Variants in KLF3 observed in about 807,000 individuals in gnomAD.
KLF3 encodes the protein Krueppel-like factor 3.
KLF3 carries 6 observed loss-of-function variants against 32.7 expected under a neutral mutation model. The ratio of observed to expected loss-of-function variants is 0.18; its 90% CI spans 0.10 to 0.36. KLF3 has a LOEUF of 0.36. Among genes scored for constraint, KLF3 ranks in the 10% least tolerant of loss-of-function variants. The probability of loss-of-function intolerance (pLI) is 1.00; values close to 1 mark genes in which losing one functional copy is unlikely to be tolerated. For synonymous variants in KLF3, 145 were observed against 172.8 expected, an observed-to-expected ratio of 0.84 and a Z score of 1.26; for missense variants, 338 against 449.7, an observed-to-expected ratio of 0.75 and a Z score of 2.25.
At chr4:38,668,512 G>C (rs1445518408) in intron 1 of KLF3, among the ~76,000 whole-genome samples, 1 of 152,030 alleles carries the variant, frequency 6.6e-6, no homozygotes, top group African/African-American at 2.4e-5. Context: ...GATATTAAGA[G>C]AGTTATTAGT....
chr4:38,695,579 A>C (rs76640612), intron 5 of KLF3, among the ~76,000 whole-genome samples: 8,713 of 152,204 alleles, frequency 0.057, 343 homozygotes, highest in Non-Finnish European at 0.075. Flanking sequence ...ATAATACAAA[A>C]ATGTTTTAAC....
chr4:38,694,684 T>C (rs1722997733), intron 4 of KLF3, 62 bp from the exon 5 acceptor site: 1 of 1,400,086 alleles, frequency 7.1e-7, no homozygotes, highest in Non-Finnish European at 9.6e-7. Context: ...ATGCTTTTAG[T>C]AGACTGATGA....
At chr4:38,694,044 A>G (rs1722968329) in intron 4 of KLF3, among the ~76,000 whole-genome samples, 1 of 152,200 alleles carries the variant, frequency 6.6e-6, no homozygotes, top group Non-Finnish European at 1.5e-5. Flanking sequence ...ACAACACTAC[A>G]TTGAAATTCT....
At chr4:38,669,928 T>C (rs1722150221) in intron 1 of KLF3, among the ~76,000 whole-genome samples, 1 of 92,896 alleles carries the variant, frequency 1.1e-5, no homozygotes, top group Admixed American at 1.2e-4. Context: ...AAAAAAGATG[T>C]CCTCTTAACT....
chr4:38,679,661 T>G (rs1309061824), intron 1 of KLF3, among the ~76,000 whole-genome samples: 1 of 152,226 alleles, frequency 6.6e-6, no homozygotes, highest in African/African-American at 2.4e-5. Flanking sequence ...AGTAAACTGA[T>G]GTGTTCACAC....
chr4:38,684,151 A>G (rs1477132312), intron 2 of KLF3, among the ~76,000 whole-genome samples: 1 of 152,270 alleles, frequency 6.6e-6, no homozygotes, highest in Non-Finnish European at 1.5e-5. Flanking sequence ...AAAGCTCGCC[A>G]AAACTATTCC....
rs1323015844 is a variant in KLF3, at chr4:38,688,180, C to T, written c.58-405C>T. The stretch of plus-strand genomic sequence containing the variant: ...TCATCAAGAAACCCCACCAGAAAAG[C>T]AACCAGGTTGGTTTGGCTTGACTGG... On this transcript the variant is annotated intron_variant, in intron 2 of 5. Transcript: ENST00000261438. The surrounding 1 kb of genome is among the most constrained non-coding windows in gnomAD (Gnocchi z 4.9). Among the ~76,000 whole-genome samples the T allele has an allele frequency of 1.3e-5, 2 of 152,220 alleles. No homozygotes were observed. The highest frequency in any genetic ancestry group is 1.3e-4 in the Admixed American group (2 of 15,284).
intron 5 of KLF3, among the ~76,000 whole-genome samples, chr4:38,696,186 GAAA>G (rs57996051): frequency 0.29 from 28,726 of 98,606 alleles, 3,802 homozygotes; most frequent in Non-Finnish European, 0.38. Flanking sequence ...TTAGATGTAG[GAAA>G]AAAAAAAAAA....
rs555946680 is a variant in KLF3 at position 38,669,610 on chromosome 4, C to T, written c.-40+5149C>T. On this transcript the variant is annotated intron_variant, in intron 1 of 5. Transcript: ENST00000261438. Reference sequence around the variant, plus strand: ...TTCCAAAGCAAAAAAATAGTGTCCTCGGCCGGGCGCGGTGGCTCACACCTG... The same window carrying T: ...TTCCAAAGCAAAAAAATAGTGTCCTTGGCCGGGCGCGGTGGCTCACACCTG... Among the ~76,000 whole-genome samples, 7 of 152,086 alleles carry T rather than the reference C, an allele frequency of 4.6e-5. No individual in the cohort carries two copies. The East Asian group carries it at 7.7e-4, about 17-fold the overall frequency.
chr4:38,689,342 C>T (rs951975303), intron 3 of KLF3, among the ~76,000 whole-genome samples: 2 of 152,164 alleles, frequency 1.3e-5, no homozygotes, highest in African/African-American at 4.8e-5. Flanking sequence ...CTTTATGTTG[C>T]TTTCTTGAAT....
intron 3 of KLF3, 100 bp downstream of exon 3, chr4:38,689,171 C>T: frequency 7.0e-7 from 1 of 1,436,480 alleles, no homozygotes; most frequent in Non-Finnish European, 9.5e-7. Context: ...AGCTGTTGAA[C>T]TCTTCAAAGG....
chr4:38,667,194 A>T (rs186828755), intron 1 of KLF3, among the ~76,000 whole-genome samples: 1 of 152,158 alleles, frequency 6.6e-6, no homozygotes, highest in South Asian at 2.1e-4. Context: ...GCTCATGAAT[A>T]TAGGGTCAGG....
intron 1 of KLF3, among the ~76,000 whole-genome samples, chr4:38,676,690 G>C (rs1321566103): frequency 6.6e-6 from 1 of 152,102 alleles, no homozygotes; most frequent in Admixed American, 6.5e-5. Flanking sequence ...ATGTGAAATA[G>C]TGAGTTTGAT....
chr4:38,666,587 C>G (rs554483667), intron 1 of KLF3, among the ~76,000 whole-genome samples: 1 of 152,196 alleles, frequency 6.6e-6, no homozygotes, highest in Non-Finnish European at 1.5e-5. Context: ...AATTAGTACT[C>G]TGGTGTACAG....
chr4:38,698,619 G>A lies in KLF3; in HGVS notation c.*1356G>A, dbSNP rs996829301. The A allele has an allele frequency of 6.6e-6, 1 of 152,474 alleles. No homozygotes were observed. The highest frequency in any genetic ancestry group is 1.5e-5 in the Non-Finnish European group (1 of 68,022). The allele number at this position is 152,474 out of a possible 1,614,324, so 9.4% of individuals were successfully genotyped here. On this transcript the variant is annotated 3_prime_UTR_variant, in exon 6 of 6. Coordinates refer to ENST00000261438, the MANE Select transcript of KLF3 (RefSeq NM_016531.6). ...AAATTCCCAAAAGTTTACTGTTAGA[G>A]TTGGCAATTTCCTATCACTATTTCA...
At chr4:38,668,537 T>C (rs774841374) in intron 1 of KLF3, among the ~76,000 whole-genome samples, 1 of 152,220 alleles carries the variant, frequency 6.6e-6, no homozygotes, top group Non-Finnish European at 1.5e-5. Flanking sequence ...AATAGTTGGC[T>C]ACTGATAACC....
rs1389343324 is a variant in KLF3 at position 38,674,249 on chromosome 4, C to T, written c.-39-6338C>T. On this transcript the variant is annotated intron_variant, in intron 1 of 5. Transcript: ENST00000261438. This position sits in a 1 kb window ranked among gnomAD's most constrained non-coding sequence, Gnocchi z 4.1. ...ATGCCTGCTGACATCTGTTGCCTGT[C>T]CCCTGTATTTCTGGCTAGGGCAACT... is the stretch of plus-strand genomic sequence containing the variant. Among the ~76,000 whole-genome samples the T allele has an allele frequency of 6.6e-6, 1 of 152,074 alleles. No homozygotes were observed. Among genetic ancestry groups the T allele is most frequent in the African/African-American group, 2.4e-5 (1 of 41,396 alleles).
intron 1 of KLF3, among the ~76,000 whole-genome samples, chr4:38,673,090 T>G (rs1722247956): frequency 6.6e-6 from 1 of 152,222 alleles, no homozygotes; most frequent in Non-Finnish European, 1.5e-5. Context: ...CGCTCATGGT[T>G]TTGTATCCAA....
intron 2 of KLF3, among the ~76,000 whole-genome samples, chr4:38,681,759 T>C (rs1722531857): frequency 6.6e-6 from 1 of 152,226 alleles, no homozygotes; most frequent in African/African-American, 2.4e-5. Context: ...GGGGAAAACT[T>C]GGCCCGAGGT....
Sources: allele counts gnomAD v4.1 joint callset (sites outside exome capture counted in the v4.1 genomes callset), GRCh38; gene constraint gnomAD v4.1.1; non-coding constraint Gnocchi (gnomAD v3.1); transcripts MANE v1.5; gene names NCBI Gene and HGNC (gene_info 2026-07-23, HGNC 2026-07-21).